KLK7: variants seen among roughly 807,000 people sequenced by gnomAD.
KLK7 encodes the protein kallikrein-7.
KLK7 carries 17 observed loss-of-function variants against 21.0 expected under a neutral mutation model. The ratio of observed to expected loss-of-function variants is 0.81; its 90% CI spans 0.55 to 1.21. The LOEUF (loss-of-function observed/expected upper bound fraction) is 1.21. KLK7 is among the 50% of genes most tolerant of loss of function. KLK7 has a pLI of 0.00. For synonymous variants in KLK7, 151 were observed against 134.6 expected, an observed-to-expected ratio of 1.12 and a Z score of -0.85; for missense variants, 330 against 322.8, an observed-to-expected ratio of 1.02 and a Z score of -0.17.
intron 3 of KLK7, among the ~76,000 whole-genome samples, chr19:50,980,942 GA>G (rs1327729906): frequency 6.9e-6 from 1 of 145,290 alleles, no homozygotes; most frequent in Non-Finnish European, 1.5e-5. Flanking sequence ...ACCAGAGAGA[GA>G]GGGGGACAGA....
At position 50,979,866 on chromosome 19, in the gene KLK7, G is replaced by A. The variant is rs1345863899; in HGVS notation, c.528C>T (p.Cys176=). ...VDVKLISPQD[C]TKVYKDLLEN... is the part of the protein sequence containing the mutation. ...CCAGTAAGTCCTTGTAAACCTTCGTGCAGTCCTGGGGGGAGATGAGCTTGA... is the reference window on the plus strand; with the variant it reads ...CCAGTAAGTCCTTGTAAACCTTCGTACAGTCCTGGGGGGAGATGAGCTTGA... Residue 176 remains cysteine, a synonymous_variant, in exon 5 of 6, where the codon TGC becomes TGT. Transcript: ENST00000595820. 1 of 1,588,986 alleles carries A rather than the reference G, an allele frequency of 6.3e-7. No individual in the cohort carries two copies. Among genetic ancestry groups the A allele is most frequent in the Non-Finnish European group, 8.6e-7 (1 of 1,167,392 alleles).
At position 50,979,770 on chromosome 19, in the gene KLK7, TG is replaced by T. The variant is rs751050483; in HGVS notation, c.606+17del. The T allele has an allele frequency of 2.9e-5, 46 of 1,559,772 alleles. No individual in the cohort carries two copies. Among genetic ancestry groups the T allele is most frequent in the East Asian group, 9.5e-5 (4 of 42,124 alleles). On this transcript the variant is annotated intron_variant, in intron 5 of 5. Transcript: ENST00000595820. ...AGGGTACCCAGGACTGGGGAGGAAT[TG>T]GGGGGGAGGGTCTCACATTGCAGGC...
intron 1 of KLK7, among the ~76,000 whole-genome samples, chr19:50,983,470 C>T (rs1335457820): frequency 7.1e-6 from 1 of 141,476 alleles, no homozygotes; most frequent in Non-Finnish European, 1.5e-5. Context: ...GGCCCCCAGC[C>T]CCTCCTCCCT....
At position 50,981,789 on chromosome 19, in the gene KLK7, T is replaced by A; in HGVS notation, c.199A>T (p.Thr67Ser). The stretch of plus-strand genomic sequence containing the variant: ...TACTTCATCTTGCAGTGGGCGGCAG[T>A]GAGCACCCAGCGCTCATTGACCAGG... ...GVLVNERWVL[T>S]AAHCKMNEYT... is the part of the protein sequence containing the mutation. Residue 67 changes from threonine to serine, a missense_variant, in exon 3 of 6, where the codon ACT becomes TCT. Coordinates refer to ENST00000595820, the MANE Select transcript of KLK7 (RefSeq NM_005046.4). The A allele has an allele frequency of 6.3e-7, 1 of 1,584,816 alleles. No homozygotes were observed. Among genetic ancestry groups the A allele is most frequent in the Non-Finnish European group, 8.6e-7 (1 of 1,166,848 alleles).
In KLK7 at chr19:50,982,492, C is replaced by T. The variant is rs535862422; in HGVS notation, c.-58-35G>A. On this transcript the variant is annotated intron_variant, in intron 1 of 5. Transcript: ENST00000595820. Reference sequence around the variant, plus strand: ...AGAAAGCATTCAGGCCCAGCCCCTCCCCACTCAGACCCAGGGGTCCAGGCC... The same window carrying T: ...AGAAAGCATTCAGGCCCAGCCCCTCTCCACTCAGACCCAGGGGTCCAGGCC... 7 of 1,516,886 alleles carry T rather than the reference C, an allele frequency of 4.6e-6. No homozygotes were observed. In the African/African-American group the frequency reaches 8.2e-5, roughly 18 times the overall value. The allele number at this position is 1,516,886 out of a possible 1,614,324, so 94.0% of individuals were successfully genotyped here. A position where few individuals can be genotyped will look rare whatever the true frequency, so the allele number is the denominator to read the frequency against.
intron 5 of KLK7, among the ~76,000 whole-genome samples, chr19:50,979,113 G>A (rs562431965): frequency 1.3e-5 from 2 of 152,206 alleles, no homozygotes; most frequent in South Asian, 4.2e-4. Flanking sequence ...ATGACAAAAG[G>A]CCAGAAAGAG....
rs367922405 is a variant in KLK7, at chr19:50,979,970, C to T, written c.470-46G>A. 315 of 1,563,144 alleles carry T rather than the reference C, an allele frequency of 2.0e-4. 3 individuals carry two copies. In the South Asian group the frequency reaches 2.7e-3, roughly 13 times the overall value. On this transcript the variant is annotated intron_variant, in intron 4 of 5. Transcript: ENST00000595820. ...AGCTGTCAGTCAGAGAGGATGGGGG[C>T]GAGGACCAGAAGGGCTGTTGTTCAG...
chr19:50,982,436 G>T lies in KLK7; in HGVS notation c.-37C>A. On this transcript the variant is annotated 5_prime_UTR_variant, in exon 2 of 6. Transcript: ENST00000595820. ...GAGCCGCTCAGGGGCTGCCAGGCGA[G>T]GAAGGGCCTCTCCTGCTGGAGCTGA... 6.3e-7 allele frequency: 1 copy of T among 1,582,858 alleles called. No individual in the cohort carries two copies. Among genetic ancestry groups the T allele is most frequent in the Non-Finnish European group, 8.6e-7 (1 of 1,164,738 alleles).
chr19:50,977,767 TC>T, intron 5 of KLK7, 76 bp from the exon 6 acceptor site: 1 of 1,456,810 alleles, frequency 6.9e-7, no homozygotes, highest in South Asian at 1.2e-5. Context: ...TCCTCAGTTA[TC>T]GGTCTTTGTC....
intron 5 of KLK7, among the ~76,000 whole-genome samples, chr19:50,978,272 C>T (rs1429256255): frequency 1.3e-5 from 2 of 152,114 alleles, no homozygotes; most frequent in Admixed American, 1.3e-4. Flanking sequence ...AGGGGAACAC[C>T]CTATTCTCTA....
Position 50,980,421 on chromosome 19 carries a change from C to T in KLK7, c.288G>A (p.Ser96=), listed in dbSNP as rs370063207. The T allele has an allele frequency of 2.1e-5, 34 of 1,613,844 alleles. No individual in the cohort carries two copies. Among genetic ancestry groups the T allele is most frequent in the South Asian group, 1.6e-4 (15 of 91,076 alleles). ...AGTAGCCGGGGTGGCGGAATGACTT[C>T]GAGGCCTTGATCCTCTGAGCTCTCC... ...GDRRAQRIKA[S]KSFRHPGYST... is the part of the protein sequence containing the mutation. The change falls in exon 4 of 6, where the codon TCG becomes TCA. Residue 96 remains serine, a synonymous_variant. Coordinates refer to ENST00000595820, the MANE Select transcript of KLK7 (RefSeq NM_005046.4).
rs755702806 is a variant in KLK7 at position 50,981,951 on chromosome 19, C to T, written c.74-37G>A. Reference sequence around the variant, plus strand: ...CATGGAGGAGCACGTGGGTAGCTAGCATTAGGGGAAGGCTGAGGCTGCACC... The same window carrying T: ...CATGGAGGAGCACGTGGGTAGCTAGTATTAGGGGAAGGCTGAGGCTGCACC... On this transcript the variant is annotated intron_variant, in intron 2 of 5. Transcript: ENST00000595820. 3.1e-6 allele frequency: 5 copies of T among 1,606,288 alleles called. No individual in the cohort carries two copies. In the African/African-American group the frequency reaches 6.7e-5, roughly 21 times the overall value.
chr19:50,982,154 G>C (rs2091094279), intron 2 of KLK7, 173 bp downstream of exon 2: 1 of 936,498 alleles, frequency 1.1e-6, no homozygotes. Context: ...GGCCTGGAGG[G>C]GACAGAGACC....
chr19:50,978,787 CAAGGAGAGATG>C (rs2091055306), intron 5 of KLK7, among the ~76,000 whole-genome samples: 1 of 107,938 alleles, frequency 9.3e-6, no homozygotes, highest in African/African-American at 3.8e-5. Flanking sequence ...AAGGAGGGGG[CAAGGAGAGATG>C]AGGGAGAGAG....
At chr19:50,982,088 C>T (rs1269047635) in intron 2 of KLK7, 174 bp from the exon 3 acceptor site, 5 of 847,092 alleles carry the variant, frequency 5.9e-6, no homozygotes, top group Non-Finnish European at 7.2e-6. Context: ...ACTCAGAAAC[C>T]CAGGAGGCGC....
chr19:50,983,956 C>T, upstream of KLK7: 1 of 1,284,044 alleles, frequency 7.8e-7, no homozygotes, highest in South Asian at 1.2e-5. Flanking sequence ...CACCCCCCGC[C>T]CCATGCCCGG....
At position 50,980,184 on chromosome 19, in the gene KLK7, T is replaced by A. The variant is rs1002626633; in HGVS notation, c.469+56A>T. ...AGGAGGGGCTGGGGGCCTGGACTCC[T>A]GGGTCTGAGGGAGGAGGGCTGGGGC... is the stretch of plus-strand genomic sequence containing the variant. On this transcript the variant is annotated intron_variant, in intron 4 of 5. Coordinates refer to ENST00000595820, the MANE Select transcript of KLK7 (RefSeq NM_005046.4). 3.8e-6 allele frequency: 6 copies of A among 1,563,884 alleles called. No individual in the cohort carries two copies. The African/African-American group carries it at 8.4e-5, about 22-fold the overall frequency.
Position 50,981,759 on chromosome 19 carries a change from G to T in KLK7, c.221+8C>A. ...TGCACCTCCAGCAGAGACTTGGGCGGCACCTACTTCATCTTGCAGTGGGCG... is the reference window on the plus strand; with the variant it reads ...TGCACCTCCAGCAGAGACTTGGGCGTCACCTACTTCATCTTGCAGTGGGCG... On this transcript the variant is annotated splice_region_variant and intron_variant, in intron 3 of 5. Transcript: ENST00000595820. The T allele has an allele frequency of 1.9e-6, 3 of 1,561,860 alleles. No homozygotes were observed. Among genetic ancestry groups the T allele is most frequent in the Non-Finnish European group, 1.7e-6 (2 of 1,152,976 alleles).
At chr19:50,980,198 G>A (rs1227026731) in intron 4 of KLK7, 42 bp downstream of exon 4, 1 of 1,597,196 alleles carries the variant, frequency 6.3e-7, no homozygotes, top group Non-Finnish European at 8.5e-7. Context: ...TCTGAGGGAG[G>A]AGGGCTGGGG....
Sources: allele counts gnomAD v4.1 joint callset (sites outside exome capture counted in the v4.1 genomes callset), GRCh38; gene constraint gnomAD v4.1.1; transcripts MANE v1.5; gene names NCBI Gene and HGNC (gene_info 2026-07-23, HGNC 2026-07-21).